PPP3CA: variants seen among roughly 807,000 people sequenced by gnomAD.
The protein encoded by PPP3CA is protein phosphatase 3 catalytic subunit alpha, also known as CAM-PRP catalytic subunit.
A neutral mutation model predicts 66.5 loss-of-function variants in PPP3CA; 14 were observed. The observed-to-expected ratio is 0.21, with a 90% CI of 0.14 to 0.33. The LOEUF is 0.33. Among genes scored for constraint, PPP3CA ranks in the 10% least tolerant of loss-of-function variants. The probability of loss-of-function intolerance (pLI) is 1.00; values close to 1 mark genes in which losing one functional copy is unlikely to be tolerated. For missense variants in PPP3CA, 317 were observed against 639.5 expected (o/e 0.50, Z 5.44); for synonymous variants, 232 against 226.2 (o/e 1.03, Z -0.23).
At chr4:101,056,454 C>T (rs932882218) in intron 10 of PPP3CA, among the ~76,000 whole-genome samples, 5 of 152,102 alleles carry the variant, frequency 3.3e-5, no homozygotes, top group Middle Eastern at 3.4e-3. Flanking sequence ...TTGCTATAGG[C>T]GCATCTCTAA....
chr4:101,027,427 A>G (rs1268794507), intron 13 of PPP3CA, among the ~76,000 whole-genome samples: 1 of 152,180 alleles, frequency 6.6e-6, no homozygotes, highest in East Asian at 1.9e-4. Context: ...TCTGCATTTT[A>G]AAGGTTAGCA....
intron 1 of PPP3CA, among the ~76,000 whole-genome samples, chr4:101,295,018 C>T (rs952243551): frequency 2.0e-5 from 3 of 152,090 alleles, no homozygotes; most frequent in African/African-American, 4.8e-5. Context: ...TATATTCACT[C>T]GGGCCGGGCG....
At chr4:101,044,217 T>C (rs998651455) in intron 10 of PPP3CA, among the ~76,000 whole-genome samples, 1 of 152,232 alleles carries the variant, frequency 6.6e-6, no homozygotes, top group Non-Finnish European at 1.5e-5. Flanking sequence ...AGTATTGCTA[T>C]TCCAGGTTTT....
intron 2 of PPP3CA, among the ~76,000 whole-genome samples, chr4:101,144,944 A>C (rs1722922699): frequency 6.6e-6 from 1 of 152,230 alleles, no homozygotes. Flanking sequence ...TTACATCATA[A>C]GCCATTATAA....
chr4:101,030,013 T>C (rs960074753), intron 12 of PPP3CA, among the ~76,000 whole-genome samples: 5 of 152,168 alleles, frequency 3.3e-5, no homozygotes, highest in East Asian at 3.9e-4. Context: ...TTTTAAAGAA[T>C]AGGCAGCCTA....
In PPP3CA at chr4:101,064,061, G is replaced by T. The variant is rs116245452; in HGVS notation, c.956-704C>A. On this transcript the variant is annotated intron_variant, in intron 8 of 13. Coordinates refer to ENST00000394854, the MANE Select transcript of PPP3CA (RefSeq NM_000944.5). ...TTACCCTATAGTAGACTGCTTTCTTGACTTAATAAAATAAAATGTTTGGAT... is the reference window on the plus strand; with the variant it reads ...TTACCCTATAGTAGACTGCTTTCTTTACTTAATAAAATAAAATGTTTGGAT... 9.2e-3 allele frequency among the ~76,000 whole-genome samples: 1,395 copies of T among 151,904 alleles called. 29 individuals are homozygous for T. Among genetic ancestry groups the T allele is most frequent in the African/African-American group, 0.032 (1,330 of 41,476 alleles).
chr4:101,076,345 G>C lies in PPP3CA; in HGVS notation c.955+4187C>G, dbSNP rs573271889. Among the ~76,000 whole-genome samples the C allele has an allele frequency of 2.1e-4, 32 of 151,280 alleles. No individual in the cohort carries two copies. The East Asian group carries it at 6.0e-3, about 29-fold the overall frequency. On this transcript the variant is annotated intron_variant, in intron 8 of 13. Transcript: ENST00000394854. Reference sequence around the variant, plus strand: ...AAATGCTTAAATCAATGCATGTATTGACTGCCTACCACGTACAAGGCATGC... The same window carrying C: ...AAATGCTTAAATCAATGCATGTATTCACTGCCTACCACGTACAAGGCATGC...
chr4:101,187,438 T>C (rs1381481105), intron 2 of PPP3CA, among the ~76,000 whole-genome samples: 1 of 152,108 alleles, frequency 6.6e-6, no homozygotes, highest in East Asian at 1.9e-4. Flanking sequence ...TAACATTTCC[T>C]CAATTCAGAG....
intron 2 of PPP3CA, among the ~76,000 whole-genome samples, chr4:101,130,398 G>C (rs543398023): frequency 2.0e-5 from 3 of 152,078 alleles, no homozygotes; most frequent in Admixed American, 6.5e-5. Flanking sequence ...GAAACACAGA[G>C]AGCACCACAA....
At chr4:101,272,788 C>A (rs1030514779) in intron 1 of PPP3CA, among the ~76,000 whole-genome samples, 2 of 152,172 alleles carry the variant, frequency 1.3e-5, no homozygotes, top group Non-Finnish European at 2.9e-5. Context: ...TGTATCATAT[C>A]TTCTTAATGG....
At chr4:101,119,785 T>C (rs928885454) in intron 2 of PPP3CA, among the ~76,000 whole-genome samples, 7 of 152,086 alleles carry the variant, frequency 4.6e-5, no homozygotes, top group East Asian at 3.8e-4. Flanking sequence ...TTGGCTAAAA[T>C]TGACTTTTAA....
chr4:101,041,282 A>AAATT (rs1055664185), intron 10 of PPP3CA, among the ~76,000 whole-genome samples: 1 of 152,102 alleles, frequency 6.6e-6, no homozygotes, highest in South Asian at 2.1e-4. Context: ...TAAATTAAAA[A>AAATT]AATTAATTAC....
chr4:101,074,086 G>C (rs1488429425), intron 8 of PPP3CA, among the ~76,000 whole-genome samples: 1 of 152,148 alleles, frequency 6.6e-6, no homozygotes, highest in Non-Finnish European at 1.5e-5. Flanking sequence ...GTGGTTGTAA[G>C]GATACAAAAA....
chr4:101,232,832 A>G (rs1726006350), intron 1 of PPP3CA, among the ~76,000 whole-genome samples: 1 of 151,774 alleles, frequency 6.6e-6, no homozygotes, highest in African/African-American at 2.4e-5. Flanking sequence ...GTCAATTTTT[A>G]AAACTGATGT....
At chr4:101,121,930 G>C (rs1722045159) in intron 2 of PPP3CA, among the ~76,000 whole-genome samples, 1 of 152,064 alleles carries the variant, frequency 6.6e-6, no homozygotes, top group Non-Finnish European at 1.5e-5. Flanking sequence ...ACTTTTCTCT[G>C]TGGTCCACAC....
chr4:101,269,786 T>C (rs979130174), intron 1 of PPP3CA, among the ~76,000 whole-genome samples: 1 of 152,224 alleles, frequency 6.6e-6, no homozygotes, highest in East Asian at 1.9e-4. Flanking sequence ...AGACAACATA[T>C]AAGTATTTGT....
intron 10 of PPP3CA, 31 bp downstream of exon 10, chr4:101,061,056 T>C (rs144034791): frequency 1.6e-5 from 25 of 1,563,006 alleles, no homozygotes; most frequent in Non-Finnish European, 2.0e-5. Context: ...ATCTGGCAAA[T>C]AGCATTAGCA....
chr4:101,238,034 C>G (rs566335913), intron 1 of PPP3CA, among the ~76,000 whole-genome samples: 10 of 151,980 alleles, frequency 6.6e-5, no homozygotes, highest in Non-Finnish European at 1.3e-4. Flanking sequence ...GGTGTTGGTC[C>G]TGGGAGTGCT....
At chr4:101,272,429 A>G (rs1268519272) in intron 1 of PPP3CA, among the ~76,000 whole-genome samples, 6 of 152,238 alleles carry the variant, frequency 3.9e-5, no homozygotes, top group African/African-American at 1.4e-4. Flanking sequence ...ATTCTATAAT[A>G]TACAAGATAC....
Sources: allele counts gnomAD v4.1 joint callset (sites outside exome capture counted in the v4.1 genomes callset), GRCh38; gene constraint gnomAD v4.1.1; transcripts MANE v1.5; gene names NCBI Gene and HGNC (gene_info 2026-07-23, HGNC 2026-07-21).